Variants in CDH9 observed in about 807,000 individuals in gnomAD.
CDH9 encodes cadherin 9, also known as cadherin-9.
In CDH9, 28 loss-of-function variants were observed where a neutral mutation model predicts 70.9. The ratio of observed to expected loss-of-function variants is 0.40; its 90% CI spans 0.29 to 0.54. CDH9 has a LOEUF of 0.54. Among genes scored for constraint, CDH9 ranks in the 20% least tolerant of loss-of-function variants. The probability of loss-of-function intolerance (pLI) is 0.59; values close to 1 mark genes in which losing one functional copy is unlikely to be tolerated. For synonymous variants in CDH9, 409 were observed against 343.1 expected (o/e 1.19, Z -2.12); for missense variants, 874 against 984.4 (o/e 0.89, Z 1.50).
In CDH9 at chr5:26,903,726, C is replaced by T. The variant is rs774117507; in HGVS notation, c.910G>A (p.Glu304Lys). 3.1e-6 allele frequency: 5 copies of T among 1,604,646 alleles called. No homozygotes were observed. Among genetic ancestry groups the T allele is most frequent in the East Asian group, 2.2e-5 (1 of 44,812 alleles). The part of the protein sequence containing the change: ...DPDVGENAEM[E>K]YSIAEGDGAD... ...CCATCTCCTTCAGCAATGCTATACTCCATTTCTGCATTTTCCCCCACGTCA... is the reference window on the plus strand; with the variant it reads ...CCATCTCCTTCAGCAATGCTATACTTCATTTCTGCATTTTCCCCCACGTCA... Residue 304 changes from glutamate (E) to lysine (K), a missense_variant, in exon 6 of 12, where the codon GAG becomes AAG. Glu to Lys is a moderately conservative substitution (Grantham distance 56). Coordinates refer to ENST00000231021, the MANE Select transcript of CDH9 (RefSeq NM_016279.4).
intron 1 of CDH9, among the ~76,000 whole-genome samples, chr5:27,020,520 G>A (rs1743119514): frequency 6.6e-6 from 1 of 151,686 alleles, no homozygotes; most frequent in South Asian, 2.1e-4. Flanking sequence ...TTTAGTGTTA[G>A]TACTGAATTA....
chr5:26,924,063 T>C (rs1443268148), intron 2 of CDH9, among the ~76,000 whole-genome samples: 1 of 150,990 alleles, frequency 6.6e-6, no homozygotes, highest in Non-Finnish European at 1.5e-5. Flanking sequence ...CAGAAATAAA[T>C]GAAATTGAAA....
At chr5:27,025,528 G>C (rs936740145) in intron 1 of CDH9, among the ~76,000 whole-genome samples, 3 of 152,024 alleles carry the variant, frequency 2.0e-5, no homozygotes, top group Admixed American at 2.0e-4. Context: ...AGCCGTAAAA[G>C]TACCAAAGAA....
intron 2 of CDH9, among the ~76,000 whole-genome samples, chr5:26,930,933 A>G (rs182902425): frequency 1.2e-4 from 19 of 152,222 alleles, no homozygotes; most frequent in African/African-American, 4.6e-4. Flanking sequence ...ATCTCATATT[A>G]GATATTAGCT....
chr5:26,915,976 A>C, intron 2 of CDH9, 52 bp from the exon 3 acceptor site: 1 of 1,255,964 alleles, frequency 8.0e-7, no homozygotes, highest in South Asian at 1.4e-5. Context: ...TTATCATTAC[A>C]TAAAACATAA....
intron 3 of CDH9, among the ~76,000 whole-genome samples, chr5:26,911,769 G>C (rs1469683111): frequency 1.3e-5 from 2 of 152,068 alleles, no homozygotes; most frequent in Non-Finnish European, 2.9e-5. Context: ...ATATCTTCCA[G>C]ATTATATGTT....
chr5:26,931,887 G>A (rs1335465992), intron 2 of CDH9, among the ~76,000 whole-genome samples: 1 of 152,008 alleles, frequency 6.6e-6, no homozygotes, highest in Non-Finnish European at 1.5e-5. Context: ...AAAGAATATG[G>A]CACAGAAGAA....
At chr5:27,016,965 G>A (rs762007140) in intron 1 of CDH9, among the ~76,000 whole-genome samples, 2 of 151,748 alleles carry the variant, frequency 1.3e-5, no homozygotes, top group Non-Finnish European at 2.9e-5. Context: ...TTATTTCTTT[G>A]TTTGCTTTTC....
At chr5:26,964,919 T>C (rs1273541276) in intron 2 of CDH9, among the ~76,000 whole-genome samples, 1 of 152,064 alleles carries the variant, frequency 6.6e-6, no homozygotes, top group Non-Finnish European at 1.5e-5. Context: ...ACACCTTTTC[T>C]AAACACCTTT....
Position 26,880,888 on chromosome 5 carries a change from G to A in CDH9, c.*248C>T. 2 of 321,212 alleles carry A rather than the reference G, an allele frequency of 6.2e-6. No individual in the cohort carries two copies. Among genetic ancestry groups the A allele is most frequent in the East Asian group, 4.9e-5 (1 of 20,474 alleles). The allele number at this position is 321,212 out of a possible 1,614,324, so 19.9% of individuals were successfully genotyped here. ...TTACTTATTTTTATTGATTATTGAT[G>A]TGATATATTTTCCTTCCGAGATTGT... is the stretch of plus-strand genomic sequence containing the variant. On this transcript the variant is annotated 3_prime_UTR_variant, in exon 12 of 12. Coordinates refer to ENST00000231021, the MANE Select transcript of CDH9 (RefSeq NM_016279.4).
intron 7 of CDH9, among the ~76,000 whole-genome samples, chr5:26,891,640 TGCACTCCA>T (rs1334751637): frequency 1.3e-5 from 2 of 151,904 alleles, no homozygotes; most frequent in Non-Finnish European, 2.9e-5. Context: ...ATGGCACCAC[TGCACTCCA>T]GCCTGGGTGA....
intron 1 of CDH9, among the ~76,000 whole-genome samples, chr5:26,992,955 G>T (rs1466618896): frequency 6.6e-6 from 1 of 152,088 alleles, no homozygotes; most frequent in Non-Finnish European, 1.5e-5. Flanking sequence ...AATTAGTCTG[G>T]TGTAGTGGCG....
chr5:26,881,630 A>C lies in CDH9; in HGVS notation c.1883-7T>G, dbSNP rs1231653721. 6.3e-7 allele frequency: 1 copy of C among 1,594,896 alleles called. No individual in the cohort carries two copies. Among genetic ancestry groups the C allele is most frequent in the Non-Finnish European group, 8.5e-7 (1 of 1,174,530 alleles). Reference sequence around the variant, plus strand: ...GCAAACAACACGACTAAAACTATTAATAAGAAATGGGAAAATAGTGAGATT... The same window carrying C: ...GCAAACAACACGACTAAAACTATTACTAAGAAATGGGAAAATAGTGAGATT... On this transcript the variant is annotated splice_polypyrimidine_tract_variant and splice_region_variant and intron_variant, in intron 11 of 11. Coordinates refer to ENST00000231021, the MANE Select transcript of CDH9 (RefSeq NM_016279.4).
chr5:26,999,393 T>C (rs906270158), intron 1 of CDH9, among the ~76,000 whole-genome samples: 2 of 152,132 alleles, frequency 1.3e-5, no homozygotes, highest in East Asian at 1.9e-4. Flanking sequence ...TCAATAGAGA[T>C]AGTGGCAGAA....
At chr5:26,916,657 G>A (rs1035279600) in intron 2 of CDH9, among the ~76,000 whole-genome samples, 10 of 151,894 alleles carry the variant, frequency 6.6e-5, no homozygotes, top group African/African-American at 2.2e-4. Context: ...GTTATTTACT[G>A]TGGGTAATTA....
At chr5:26,918,438 GGAAA>G (rs1308924378) in intron 2 of CDH9, among the ~76,000 whole-genome samples, 2 of 152,084 alleles carry the variant, frequency 1.3e-5, no homozygotes, top group East Asian at 3.9e-4. Flanking sequence ...AATACATAAG[GGAAA>G]GACTGATATT....
intron 2 of CDH9, among the ~76,000 whole-genome samples, chr5:26,923,236 A>AAAC (rs143075955): frequency 2.0e-5 from 3 of 151,028 alleles, no homozygotes; most frequent in Non-Finnish European, 3.0e-5. Flanking sequence ...ATGCCAGTAA[A>AAAC]AACAACAACA....
intron 2 of CDH9, among the ~76,000 whole-genome samples, chr5:26,971,012 C>T (rs1742210628): frequency 6.6e-6 from 1 of 152,140 alleles, no homozygotes; most frequent in Non-Finnish European, 1.5e-5. Flanking sequence ...ATGCTTCTGA[C>T]ATAGAAGGGG....
chr5:26,882,260 C>T (rs969686160), intron 11 of CDH9, among the ~76,000 whole-genome samples: 2 of 151,988 alleles, frequency 1.3e-5, no homozygotes, highest in African/African-American at 4.8e-5. Flanking sequence ...AAAACTCAAA[C>T]TCAAACTCAT....
Sources: gnomAD v4.1 joint callset for allele counts (sites outside exome capture counted in the v4.1 genomes callset) on GRCh38, gnomAD v4.1.1 for gene constraint, MANE v1.5 for transcripts, NCBI Gene and HGNC (gene_info 2026-07-23, HGNC 2026-07-21) for gene names.